Variants in CNTLN observed in about 807,000 individuals in gnomAD.
CNTLN encodes the protein centlein, centrosomal protein.
A neutral mutation model predicts 180.0 loss-of-function variants in CNTLN; 212 were observed. The observed-to-expected ratio is 1.18, with a 90% CI of 1.05 to 1.32. The LOEUF (loss-of-function observed/expected upper bound fraction) is 1.32, where lower values mean the gene tolerates loss of function less well. Among genes scored for constraint, CNTLN ranks in the 40% most tolerant of loss-of-function variants. CNTLN has a pLI of 0.00. For synonymous variants in CNTLN, 722 were observed against 563.1 expected (o/e 1.28, Z -3.99); for missense variants, 2,095 against 1,610.9 (o/e 1.30, Z -5.14).
At chr9:17,336,147 T>G (rs1165937371) in intron 10 of CNTLN, among the ~76,000 whole-genome samples, 1 of 152,158 alleles carries the variant, frequency 6.6e-6, no homozygotes, top group Non-Finnish European at 1.5e-5. Flanking sequence ...TGTAAGATCT[T>G]TGGTGGTAAT....
Position 17,464,503 on chromosome 9 carries a change from T to G in CNTLN, c.3411T>G (p.Ser1137=), listed in dbSNP as rs541452763. 13 of 1,528,052 alleles carry G rather than the reference T, an allele frequency of 8.5e-6. No homozygotes were observed. In the African/African-American group the frequency reaches 1.6e-4, roughly 19 times the overall value. 94.7% of individuals were successfully genotyped at this position (1,528,052 alleles called of 1,614,324 possible). A position where few individuals can be genotyped will look rare whatever the true frequency, so the allele number is the denominator to read the frequency against. ...EHIKEMHEKI[S]RMERDITMKR... ...CACCTTTTTTTTTTTCAAGGATATCTCGAATGGAGAGGGATATAACTATGA... is the reference window on the plus strand; with the variant it reads ...CACCTTTTTTTTTTTCAAGGATATCGCGAATGGAGAGGGATATAACTATGA... Residue 1137 remains serine (S), a synonymous_variant, in exon 21 of 26, where the codon TCT becomes TCG. Transcript: ENST00000380647.
At chr9:17,280,128 T>C (rs1228352039) in intron 6 of CNTLN, among the ~76,000 whole-genome samples, 1 of 152,146 alleles carries the variant, frequency 6.6e-6, no homozygotes, top group East Asian at 1.9e-4. Context: ...AGGGATTCTG[T>C]TATAAGTAAC....
intron 12 of CNTLN, among the ~76,000 whole-genome samples, chr9:17,359,526 A>T (rs1338566146): frequency 6.6e-6 from 1 of 151,630 alleles, no homozygotes; most frequent in Non-Finnish European, 1.5e-5. Flanking sequence ...GTGACTAAAT[A>T]AGAAAAGGAC....
chr9:17,159,109 C>T (rs188400502), intron 2 of CNTLN, among the ~76,000 whole-genome samples: 316 of 152,070 alleles, frequency 2.1e-3, no homozygotes, highest in African/African-American at 7.2e-3. Context: ...GTTTAATTTC[C>T]ACTTATTTGT....
intron 5 of CNTLN, among the ~76,000 whole-genome samples, chr9:17,244,823 A>AG (rs1825707992): frequency 1.3e-5 from 2 of 151,972 alleles, no homozygotes; most frequent in African/African-American, 4.8e-5. Flanking sequence ...TCTTTATTTG[A>AG]GGTTACCATG....
intron 18 of CNTLN, among the ~76,000 whole-genome samples, chr9:17,442,839 A>G (rs568058992): frequency 1.6e-4 from 24 of 152,350 alleles, no homozygotes; most frequent in African/African-American, 5.8e-4. Flanking sequence ...AGGGAAGTTT[A>G]TGTACTGTAC....
rs1413178359 is a variant in CNTLN, at chr9:17,503,607, T to C, written c.*955T>C. On this transcript the variant is annotated 3_prime_UTR_variant, in exon 26 of 26. Coordinates refer to ENST00000380647, the MANE Select transcript of CNTLN (RefSeq NM_017738.4). ...CCTTCCCCGGTCCCTCAGAGACACATTCTCTGACCAGCTTACTATTTTATT... is the reference window on the plus strand; with the variant it reads ...CCTTCCCCGGTCCCTCAGAGACACACTCTCTGACCAGCTTACTATTTTATT... 6.6e-6 allele frequency: 1 copy of C among 152,446 alleles called. No individual in the cohort carries two copies. Among genetic ancestry groups the C allele is most frequent in the Non-Finnish European group, 1.5e-5 (1 of 68,056 alleles). The allele number at this position is 152,446 out of a possible 1,614,324, so 9.4% of individuals were successfully genotyped here.
chr9:17,277,539 A>C (rs1828388666), intron 6 of CNTLN, among the ~76,000 whole-genome samples: 1 of 151,200 alleles, frequency 6.6e-6, no homozygotes. Context: ...AATAACAAGT[A>C]TGTAGTAAGG....
chr9:17,262,073 C>T (rs1418664027), intron 5 of CNTLN, among the ~76,000 whole-genome samples: 3 of 151,482 alleles, frequency 2.0e-5, no homozygotes. Context: ...AGTTAGGAAA[C>T]AACAGATGCT....
intron 2 of CNTLN, among the ~76,000 whole-genome samples, chr9:17,156,859 C>G (rs369090700): frequency 3.3e-5 from 5 of 152,240 alleles, no homozygotes; most frequent in African/African-American, 1.2e-4. Context: ...ATTGAAAGCA[C>G]TCTATATTAG....
chr9:17,331,751 C>T (rs1473824790), intron 9 of CNTLN, among the ~76,000 whole-genome samples: 1 of 151,964 alleles, frequency 6.6e-6, no homozygotes, highest in East Asian at 1.9e-4. Flanking sequence ...AACATAACTG[C>T]ATTATACATT....
At chr9:17,437,815 A>ATATGTGTG (rs1283303714) in intron 18 of CNTLN, among the ~76,000 whole-genome samples, 1 of 152,146 alleles carries the variant, frequency 6.6e-6, no homozygotes, top group Non-Finnish European at 1.5e-5. Context: ...ATATATATGT[A>ATATGTGTG]TATGTGTGTG....
intron 5 of CNTLN, among the ~76,000 whole-genome samples, chr9:17,265,739 A>T (rs1383214339): frequency 1.3e-5 from 2 of 151,946 alleles, no homozygotes; most frequent in East Asian, 1.9e-4. Context: ...CTATTCAGAG[A>T]CTCAACTTCT....
At chr9:17,298,455 C>A in intron 7 of CNTLN, 103 bp downstream of exon 7, 1 of 1,345,878 alleles carries the variant, frequency 7.4e-7, no homozygotes, top group Non-Finnish European at 9.6e-7. Flanking sequence ...ATTTTTACTT[C>A]CTTTTACATG....
rs1469920801 is a variant in CNTLN at position 17,135,106 on chromosome 9, C to G, written c.41C>G (p.Pro14Arg). 6.2e-7 allele frequency: 1 copy of G among 1,605,832 alleles called. No individual in the cohort carries two copies. Among genetic ancestry groups the G allele is most frequent in the South Asian group, 1.1e-5 (1 of 89,674 alleles). The part of the protein sequence containing the change: ...RSPPSPHPSP[P>R]ARQLGPRSPR... ...CCTCCCTCACCGCACCCTTCGCCCC[C>G]AGCGCGACAGCTGGGCCCCAGGTCC... The change falls in exon 1 of 26, where the codon CCA becomes CGA. Residue 14 changes from proline (P) to arginine (R), a missense_variant. Coordinates refer to ENST00000380647, the MANE Select transcript of CNTLN (RefSeq NM_017738.4).
At chr9:17,166,249 A>G (rs1214370361) in intron 2 of CNTLN, among the ~76,000 whole-genome samples, 4 of 152,176 alleles carry the variant, frequency 2.6e-5, no homozygotes. Context: ...AAATATAACA[A>G]TAAATGATTG....
At chr9:17,422,896 A>T (rs1828816488) in intron 18 of CNTLN, among the ~76,000 whole-genome samples, 1 of 152,066 alleles carries the variant, frequency 6.6e-6, no homozygotes, top group South Asian at 2.1e-4. Flanking sequence ...GAGTGTTATG[A>T]CCTAAGTCTT....
intron 2 of CNTLN, among the ~76,000 whole-genome samples, chr9:17,212,849 T>C (rs1460555838): frequency 6.6e-6 from 1 of 152,226 alleles, no homozygotes; most frequent in East Asian, 1.9e-4. Flanking sequence ...CATAGATGTG[T>C]TTATAGTATT....
intron 6 of CNTLN, among the ~76,000 whole-genome samples, chr9:17,289,692 G>T (rs1412788556): frequency 7.4e-6 from 1 of 135,914 alleles, no homozygotes; most frequent in Non-Finnish European, 1.5e-5. Context: ...ATATTTCTTG[G>T]AGGCTTTGCT....
Sources: allele counts gnomAD v4.1 joint callset (sites outside exome capture counted in the v4.1 genomes callset), GRCh38; gene constraint gnomAD v4.1.1; transcripts MANE v1.5; gene names NCBI Gene and HGNC (gene_info 2026-07-23, HGNC 2026-07-21).